The following ARHGEF11 variants were observed in gnomAD, a reference collection of about 807,000 sequenced individuals.
The protein encoded by ARHGEF11 is Rho guanine exchange factor (GEF) 11.
In ARHGEF11, 55 loss-of-function variants were observed where a neutral mutation model predicts 193.7. The observed-to-expected ratio is 0.28, with a 90% CI of 0.23 to 0.36. ARHGEF11 has a LOEUF of 0.36. ARHGEF11 is among the 10% of genes least tolerant of loss of function. The pLI, the probability that ARHGEF11 is intolerant of heterozygous loss-of-function variation, is 1.00. For missense variants in ARHGEF11, 1,723 were observed against 2,005.6 expected (o/e 0.86, Z 2.69); for synonymous variants, 693 against 768.0 (o/e 0.90, Z 1.62).
intron 7 of ARHGEF11, 69 bp downstream of exon 7, chr1:156,976,914 G>A (rs1663339444): frequency 2.2e-6 from 3 of 1,339,298 alleles, no homozygotes; most frequent in South Asian, 2.4e-5. Flanking sequence ...TGTGTACATT[G>A]GCAGGCTGCT....
intron 1 of ARHGEF11, among the ~76,000 whole-genome samples, chr1:156,996,666 G>A (rs1666538038): frequency 6.6e-6 from 1 of 150,674 alleles, no homozygotes; most frequent in Non-Finnish European, 1.5e-5. Flanking sequence ...CCAGCTACTC[G>A]GGAGGCTGAG....
At position 156,948,638 on chromosome 1, in the gene ARHGEF11, T is replaced by G. The variant is rs762583620; in HGVS notation, c.1926-140A>C. 1 of 1,568,004 alleles carries G rather than the reference T, an allele frequency of 6.4e-7. No individual in the cohort carries two copies. The highest frequency in any genetic ancestry group is 1.9e-5 in the Admixed American group (1 of 53,630). On this transcript the variant is annotated intron_variant, in intron 22 of 40. Coordinates refer to ENST00000368194, the MANE Select transcript of ARHGEF11 (RefSeq NM_198236.3). The surrounding 1 kb of genome is among the most constrained non-coding windows in gnomAD (Gnocchi z 4.2). The stretch of plus-strand genomic sequence containing the variant: ...TCCTCCTGAACATGGCCAAAGCAGC[T>G]GGATGGCAGTGGAAGCTTCTCAATG...
chr1:157,039,507 CT>C (rs1334388215), intron 1 of ARHGEF11, among the ~76,000 whole-genome samples: 1 of 152,128 alleles, frequency 6.6e-6, no homozygotes, highest in Non-Finnish European at 1.5e-5. Context: ...TGAAGTTATA[CT>C]TTTTTCTTTT....
At chr1:156,942,543 T>C in intron 33 of ARHGEF11, 147 bp downstream of exon 33, 1 of 674,528 alleles carries the variant, frequency 1.5e-6, no homozygotes, top group Non-Finnish European at 2.5e-6. Context: ...CTTCTCTACT[T>C]CTGTCCTACC....
intron 1 of ARHGEF11, among the ~76,000 whole-genome samples, chr1:157,042,341 AC>A: frequency 6.6e-6 from 1 of 152,180 alleles, no homozygotes; most frequent in East Asian, 1.9e-4. Flanking sequence ...TTACCCTACT[AC>A]CAAAGAGAAA....
At chr1:156,940,479 G>T in intron 35 of ARHGEF11, 54 bp from the exon 36 acceptor site, 2 of 1,523,032 alleles carry the variant, frequency 1.3e-6, no homozygotes. Context: ...GGCACGTATG[G>T]GAGAGCCTAT....
chr1:156,945,580 G>C (rs888026663), intron 29 of ARHGEF11: 2 of 250,626 alleles, frequency 8.0e-6, no homozygotes, highest in Non-Finnish European at 7.7e-6. Flanking sequence ...GAAATTTGGG[G>C]GTAGTGAAAG....
rs370535788 is a variant in ARHGEF11, at chr1:156,963,718, G to A, written c.964-124C>T. On this transcript the variant is annotated intron_variant, in intron 11 of 40. Transcript: ENST00000368194. The stretch of plus-strand genomic sequence containing the variant: ...AAGCCACCCGGGTCTGGTGAACGTT[G>A]GCATCTCACTCCCGCCCCCAAAATC... 1.7e-5 allele frequency: 26 copies of A among 1,486,572 alleles called. No homozygotes were observed. In the East Asian group the frequency reaches 4.2e-4, roughly 24 times the overall value. 92.1% of individuals were successfully genotyped at this position (1,486,572 alleles called of 1,614,324 possible).
chr1:157,034,433 G>A (rs1205491492), intron 1 of ARHGEF11, among the ~76,000 whole-genome samples: 1 of 152,252 alleles, frequency 6.6e-6, no homozygotes, highest in African/African-American at 2.4e-5. Context: ...CTGAGAGGCT[G>A]AAGGCAGGCA....
intron 1 of ARHGEF11, among the ~76,000 whole-genome samples, chr1:157,043,379 G>A (rs2103120879): frequency 6.6e-6 from 1 of 152,322 alleles, no homozygotes; most frequent in South Asian, 2.1e-4. Context: ...TTGAGGAGGG[G>A]TAGGGGAGGG....
chr1:156,983,678 C>A (rs1664527748), intron 3 of ARHGEF11, among the ~76,000 whole-genome samples: 1 of 152,208 alleles, frequency 6.6e-6, no homozygotes, highest in African/African-American at 2.4e-5. Flanking sequence ...TCACTTCCTT[C>A]CCACCAAATT....
chr1:156,949,020 T>C (rs904942040), intron 22 of ARHGEF11: 1 of 985,300 alleles, frequency 1.0e-6, no homozygotes, highest in Non-Finnish European at 1.2e-6. Flanking sequence ...TATTCACAGC[T>C]CATTTTAGGA....
chr1:156,961,670 GC>G lies in ARHGEF11; in HGVS notation c.1239+6del, dbSNP rs1557864745. On this transcript the variant is annotated splice_donor_region_variant and intron_variant, in intron 14 of 40. Transcript: ENST00000368194. ...TAAAATTATAATCCAATCTATGACTGCCTTACCGCATTTTTCTCCAGGAAAA... is the reference window on the plus strand; with the variant it reads ...TAAAATTATAATCCAATCTATGACTGCTTACCGCATTTTTCTCCAGGAAAA... The G allele has an allele frequency of 6.2e-7, 1 of 1,612,298 alleles. No individual in the cohort carries two copies. Among genetic ancestry groups the G allele is most frequent in the Non-Finnish European group, 8.5e-7 (1 of 1,178,316 alleles).
chr1:156,988,903 A>G (rs759651989), intron 1 of ARHGEF11, among the ~76,000 whole-genome samples: 9 of 152,204 alleles, frequency 5.9e-5, no homozygotes, highest in Non-Finnish European at 1.2e-4. Context: ...GAATCAATGG[A>G]CAGACTATTG....
intron 5 of ARHGEF11, 127 bp from the exon 6 acceptor site, chr1:156,978,509 T>C: frequency 7.3e-7 from 1 of 1,377,180 alleles, no homozygotes; most frequent in Non-Finnish European, 9.4e-7. Flanking sequence ...TAAGTTCTCC[T>C]CACTTTTAAT....
intron 1 of ARHGEF11, among the ~76,000 whole-genome samples, chr1:157,031,902 G>A (rs1277040034): frequency 6.6e-6 from 1 of 152,142 alleles, no homozygotes; most frequent in African/African-American, 2.4e-5. Context: ...CATTCTAAGA[G>A]GCAACAATGA....
intron 22 of ARHGEF11, chr1:156,949,010 T>C (rs1271692973): frequency 6.1e-6 from 6 of 985,332 alleles, no homozygotes; most frequent in African/African-American, 3.5e-5. Flanking sequence ...GGAGTCACTA[T>C]ATTCACAGCT....
At chr1:156,965,239 T>C (rs1430290767) in intron 11 of ARHGEF11, among the ~76,000 whole-genome samples, 1 of 152,210 alleles carries the variant, frequency 6.6e-6, no homozygotes, top group Non-Finnish European at 1.5e-5. Context: ...CCTGCTTCTA[T>C]GAGCCACCTG....
upstream of ARHGEF11, among the ~76,000 whole-genome samples, chr1:157,046,348 A>T (rs1571655878): frequency 1.3e-5 from 2 of 150,878 alleles, no homozygotes; most frequent in Admixed American, 1.3e-4. Flanking sequence ...CTGCCCGCCC[A>T]GCCACCGTGC....
Sources: allele counts gnomAD v4.1 joint callset (sites outside exome capture counted in the v4.1 genomes callset), GRCh38; gene constraint gnomAD v4.1.1; non-coding constraint Gnocchi (gnomAD v3.1); transcripts MANE v1.5; gene names NCBI Gene and HGNC (gene_info 2026-07-23, HGNC 2026-07-21).